Variants in TLCD4 observed in about 807,000 individuals in gnomAD.
The protein encoded by TLCD4 is TLC domain-containing protein 4.
In TLCD4, 7 loss-of-function variants were observed where a neutral mutation model predicts 24.2. The ratio of observed to expected loss-of-function variants is 0.29; its 90% confidence interval spans 0.16 to 0.54. The LOEUF is 0.54. Ranked by LOEUF, TLCD4 falls within the 20% of genes least tolerant of loss-of-function variation. The probability of loss-of-function intolerance (pLI) is 0.95; values close to 1 mark genes in which losing one functional copy is unlikely to be tolerated. For synonymous variants in TLCD4, 103 were observed against 106.4 expected (o/e 0.97, Z 0.20); for missense variants, 259 against 313.9 (o/e 0.82, Z 1.32).
chr1:95,146,747 C>T (rs1223413834), intron 2 of TLCD4, among the ~76,000 whole-genome samples: 1 of 152,052 alleles, frequency 6.6e-6, no homozygotes, highest in Non-Finnish European at 1.5e-5. Flanking sequence ...TGTTTTTCCT[C>T]CTCATTACAG....
upstream of TLCD4, among the ~76,000 whole-genome samples, chr1:95,116,622 T>C: frequency 6.6e-6 from 1 of 152,234 alleles, no homozygotes; most frequent in African/African-American, 2.4e-5. Flanking sequence ...TTATCTCTGG[T>C]TGATGCAGAT....
chr1:95,155,234 C>T (rs749720421), intron 5 of TLCD4, among the ~76,000 whole-genome samples: 32 of 151,964 alleles, frequency 2.1e-4, no homozygotes, highest in African/African-American at 4.8e-4. Flanking sequence ...CTTCCATAAT[C>T]GCTTGCTAAA....
intron 5 of TLCD4, among the ~76,000 whole-genome samples, chr1:95,160,212 G>A (rs1182529721): frequency 3.3e-5 from 5 of 152,108 alleles, no homozygotes; most frequent in Non-Finnish European, 7.3e-5. Flanking sequence ...TCCTTGAAGA[G>A]GTCCTTCACA....
chr1:95,151,194 T>C (rs1677482067), intron 4 of TLCD4, 131 bp from the exon 5 acceptor site: 2 of 869,056 alleles, frequency 2.3e-6, no homozygotes, highest in Admixed American at 2.3e-5. Context: ...TCAGACTAAC[T>C]GAGGGATGAA....
chr1:95,158,867 A>G (rs1677705695), intron 5 of TLCD4, among the ~76,000 whole-genome samples: 1 of 152,150 alleles, frequency 6.6e-6, no homozygotes, highest in African/African-American at 2.4e-5. Context: ...ATAGTATTCC[A>G]TGGTGTATAT....
chr1:95,111,759 G>A, the TLCD4 span, among the ~76,000 whole-genome samples: 29 of 152,220 alleles, frequency 1.9e-4, no homozygotes, highest in South Asian at 5.0e-3. Context: ...GGTTCACTAG[G>A]CTCTTGGACC....
At chr1:95,131,507 T>C (rs1230327993) in intron 1 of TLCD4, among the ~76,000 whole-genome samples, 1 of 151,950 alleles carries the variant, frequency 6.6e-6, no homozygotes, top group Admixed American at 6.6e-5. Context: ...AAGATGAGGG[T>C]GGGTAAGGAA....
intron 5 of TLCD4, among the ~76,000 whole-genome samples, chr1:95,154,766 G>C (rs1677587680): frequency 6.6e-6 from 1 of 151,436 alleles, no homozygotes; most frequent in Non-Finnish European, 1.5e-5. Flanking sequence ...ATTAAACATA[G>C]TAATAGATTT....
chr1:95,114,829 G>GA (rs947326677), upstream of TLCD4, among the ~76,000 whole-genome samples: 81 of 137,578 alleles, frequency 5.9e-4, no homozygotes, highest in East Asian at 2.5e-3. Flanking sequence ...CTGTCTCAAA[G>GA]AAAAAAAAAA....
chr1:95,110,534 T>C, the TLCD4 span, among the ~76,000 whole-genome samples: 1 of 152,098 alleles, frequency 6.6e-6, no homozygotes, highest in Non-Finnish European at 1.5e-5. Flanking sequence ...CTTTTTGTCA[T>C]TGAAATAAAA....
intron 1 of TLCD4, among the ~76,000 whole-genome samples, chr1:95,124,296 T>C (rs1234556295): frequency 6.6e-6 from 1 of 152,198 alleles, no homozygotes; most frequent in Non-Finnish European, 1.5e-5. Context: ...GCTATAAGCT[T>C]TCCAGCAGCA....
In TLCD4 at chr1:95,194,132, T is replaced by G. The variant is rs1041494688; in HGVS notation, c.*2264T>G. 2 of 147,242 alleles carry G rather than the reference T, an allele frequency of 1.4e-5. No homozygotes were observed. The highest frequency in any genetic ancestry group is 3.8e-4 in the East Asian group (2 of 5,204). 9.1% of individuals were successfully genotyped at this position (147,242 alleles called of 1,614,324 possible). On this transcript the variant is annotated 3_prime_UTR_variant, in exon 7 of 7. Transcript: ENST00000370203. ...ATTCTTACTTTCATTAATGTTACCC[T>G]TCACTGGTATAGCCACTCACTAAAT... is the stretch of plus-strand genomic sequence containing the variant.
chr1:95,164,497 A>T (rs1443569756), intron 5 of TLCD4: 1 of 152,224 alleles, frequency 6.6e-6, no homozygotes, highest in Non-Finnish European at 1.5e-5. Context: ...TGTGGGCTGC[A>T]CCCAGTGTCT....
chr1:95,160,041 A>G (rs867441487), intron 5 of TLCD4, among the ~76,000 whole-genome samples: 4 of 152,348 alleles, frequency 2.6e-5, no homozygotes, highest in Middle Eastern at 3.4e-3. Context: ...AATTCTGTGA[A>G]GAAAGTCATT....
chr1:95,099,331 T>C, the TLCD4 span, among the ~76,000 whole-genome samples: 22 of 152,264 alleles, frequency 1.4e-4, no homozygotes, highest in African/African-American at 5.3e-4. Context: ...TCTAGGATAA[T>C]AGTTATTACC....
At chr1:95,183,332 G>A (rs996461119) in intron 6 of TLCD4, among the ~76,000 whole-genome samples, 4 of 152,168 alleles carry the variant, frequency 2.6e-5, no homozygotes, top group South Asian at 2.1e-4. Flanking sequence ...ATTGGACCCA[G>A]AGAAATGTGC....
At chr1:95,139,848 T>G (rs890188149) in intron 1 of TLCD4, among the ~76,000 whole-genome samples, 1 of 152,230 alleles carries the variant, frequency 6.6e-6, no homozygotes, top group African/African-American at 2.4e-5. Context: ...TTTTATAAGC[T>G]TTCTTCTATT....
At chr1:95,162,906 C>G (rs958073487) in intron 5 of TLCD4, among the ~76,000 whole-genome samples, 1 of 152,176 alleles carries the variant, frequency 6.6e-6, no homozygotes, top group African/African-American at 2.4e-5. Flanking sequence ...TGTGGGTAAC[C>G]CAACCTTTCT....
chr1:95,175,857 C>T (rs1439486773), intron 6 of TLCD4, among the ~76,000 whole-genome samples: 2 of 151,836 alleles, frequency 1.3e-5, no homozygotes, highest in Non-Finnish European at 2.9e-5. Flanking sequence ...CTCACTGCAG[C>T]CTTGACCTCT....
Sources: allele counts gnomAD v4.1 joint callset (sites outside exome capture counted in the v4.1 genomes callset), GRCh38; gene constraint gnomAD v4.1.1; transcripts MANE v1.5; gene names NCBI Gene and HGNC (gene_info 2026-07-23, HGNC 2026-07-21).